The following GRIK3 variants were observed in gnomAD, a reference collection of about 807,000 sequenced individuals.
The protein encoded by GRIK3 is glutamate receptor ionotropic, kainate 3.
In GRIK3, 29 loss-of-function variants were observed where a neutral mutation model predicts 102.5. That is an observed-to-expected ratio of 0.28 (90% CI 0.21 to 0.39). GRIK3 has a LOEUF of 0.39. GRIK3 is among the 10% of genes least tolerant of loss of function. GRIK3 has a pLI of 1.00. For missense variants in GRIK3, 908 were observed against 1,252.4 expected, an observed-to-expected ratio of 0.73 and a Z score of 4.15; for synonymous variants, 511 against 504.9, an observed-to-expected ratio of 1.01 and a Z score of -0.16.
At chr1:36,910,655 C>T (rs960555318) in intron 1 of GRIK3, among the ~76,000 whole-genome samples, 37 of 152,204 alleles carry the variant, frequency 2.4e-4, no homozygotes, top group Non-Finnish European at 1.2e-4. Context: ...CCCAGTGAAA[C>T]GGTCCAGGGA....
Position 37,017,361 on chromosome 1 carries a change from C to T in GRIK3, c.115+16633G>A, listed in dbSNP as rs368905251. 2.0e-3 allele frequency among the ~76,000 whole-genome samples: 223 copies of T among 110,452 alleles called. 2 individuals carry two copies. The highest frequency in any genetic ancestry group is 8.3e-3 in the African/African-American group (212 of 25,632). 72.5% of individuals were successfully genotyped at this position (110,452 alleles called of 152,430 possible). A position where few individuals can be genotyped will look rare whatever the true frequency, so the allele number is the denominator to read the frequency against. ...CCAGCCTGGGCAACATAGTGAGACC[C>T]TGTCTCTTAAAAAAAAAAAAAAAAA... On this transcript the variant is annotated intron_variant, in intron 1 of 15. Transcript: ENST00000373091.
intron 1 of GRIK3, among the ~76,000 whole-genome samples, chr1:37,028,905 T>G (rs1238634460): frequency 6.6e-6 from 1 of 152,264 alleles, no homozygotes; most frequent in African/African-American, 2.4e-5. Flanking sequence ...TATTGAGCAC[T>G]TACTATTTAC....
chr1:36,970,857 C>T (rs972818728), intron 1 of GRIK3, among the ~76,000 whole-genome samples: 5 of 152,176 alleles, frequency 3.3e-5, no homozygotes, highest in Non-Finnish European at 7.3e-5. Context: ...TTTGTTCCCC[C>T]AATAGCCTTT....
intron 9 of GRIK3, chr1:36,849,794 T>C (rs497848): frequency 0.014 from 2,196 of 154,696 alleles, 54 homozygotes; most frequent in African/African-American, 0.049. Flanking sequence ...TGCTATTCAG[T>C]TGGGGAATAG....
intron 13 of GRIK3, among the ~76,000 whole-genome samples, chr1:36,809,985 T>C (rs1557688528): frequency 1.3e-5 from 2 of 152,162 alleles, no homozygotes; most frequent in Non-Finnish European, 2.9e-5. Context: ...AAATCTGCTT[T>C]CCTAGAATGG....
intron 1 of GRIK3, among the ~76,000 whole-genome samples, chr1:36,959,138 G>GTACATGATT: frequency 7.5e-6 from 1 of 132,532 alleles, no homozygotes; most frequent in Non-Finnish European, 1.7e-5. Flanking sequence ...GAACCTGTGT[G>GTACATGATT]TCCTGTGAGC....
At chr1:36,962,880 T>C (rs1429221202) in intron 1 of GRIK3, among the ~76,000 whole-genome samples, 3 of 84,980 alleles carry the variant, frequency 3.5e-5, no homozygotes, top group Non-Finnish European at 6.2e-5. Flanking sequence ...CGAGACTCCC[T>C]CTCAAAAAAA....
At chr1:36,861,730 T>C (rs78768509) in intron 5 of GRIK3, among the ~76,000 whole-genome samples, 3,514 of 152,198 alleles carry the variant, frequency 0.023, 63 homozygotes, top group Non-Finnish European at 0.037. Context: ...CTTCAATGAT[T>C]TGGGGAGTAG....
At chr1:37,029,489 G>A (rs1642798200) in intron 1 of GRIK3, among the ~76,000 whole-genome samples, 1 of 152,226 alleles carries the variant, frequency 6.6e-6, no homozygotes, top group Admixed American at 6.5e-5. Context: ...CAGCTGCTGT[G>A]GCAAGTAGAG....
At chr1:36,953,226 G>A (rs1641865944) in intron 1 of GRIK3, among the ~76,000 whole-genome samples, 2 of 152,220 alleles carry the variant, frequency 1.3e-5, no homozygotes, top group Admixed American at 1.3e-4. Flanking sequence ...TTAGTCAGGA[G>A]GAGCTGCCCT....
intron 1 of GRIK3, among the ~76,000 whole-genome samples, chr1:36,934,882 C>A (rs1641638880): frequency 6.6e-6 from 1 of 152,200 alleles, no homozygotes; most frequent in East Asian, 1.9e-4. Context: ...CTTTAGCCTC[C>A]CTCCTGGCTC....
intron 11 of GRIK3, among the ~76,000 whole-genome samples, 188 bp from the exon 12 acceptor site, chr1:36,820,042 G>A (rs534536091): frequency 2.6e-5 from 4 of 152,324 alleles, no homozygotes; most frequent in South Asian, 4.1e-4. Context: ...GGTTATAAAG[G>A]TAATTCACCA....
chr1:36,945,846 C>T (rs1212897819), intron 1 of GRIK3, among the ~76,000 whole-genome samples: 3 of 152,214 alleles, frequency 2.0e-5, no homozygotes, highest in Admixed American at 1.3e-4. Context: ...GCTCTTCCTA[C>T]CACCTATGCT....
intron 1 of GRIK3, among the ~76,000 whole-genome samples, chr1:37,025,900 T>C (rs1185006734): frequency 6.6e-6 from 1 of 152,018 alleles, no homozygotes; most frequent in East Asian, 1.9e-4. Context: ...AAACCACCAC[T>C]CCCCCAGGAT....
At chr1:36,863,200 G>A (rs544372441) in intron 5 of GRIK3, among the ~76,000 whole-genome samples, 1 of 152,022 alleles carries the variant, frequency 6.6e-6, no homozygotes, top group African/African-American at 2.4e-5. Context: ...TCAACACCAG[G>A]CTACCCAGCT....
chr1:37,018,828 A>G (rs943256938), intron 1 of GRIK3, among the ~76,000 whole-genome samples: 4 of 147,090 alleles, frequency 2.7e-5, no homozygotes, highest in African/African-American at 9.8e-5. Flanking sequence ...TGTCTCCATG[A>G]AAAAAAAACT....
At chr1:36,885,543 G>A (rs1352928786) in intron 2 of GRIK3, among the ~76,000 whole-genome samples, 1 of 152,202 alleles carries the variant, frequency 6.6e-6, no homozygotes. Flanking sequence ...TTCTGCAAGA[G>A]ATGCAGTGAT....
intron 1 of GRIK3, among the ~76,000 whole-genome samples, chr1:36,995,994 G>A (rs1396056778): frequency 1.3e-5 from 2 of 152,196 alleles, no homozygotes; most frequent in Non-Finnish European, 2.9e-5. Context: ...TTGATCAGAG[G>A]CTCTGTGCTG....
intron 1 of GRIK3, among the ~76,000 whole-genome samples, chr1:36,901,291 G>T (rs143915612): frequency 9.1e-4 from 138 of 152,196 alleles, no homozygotes; most frequent in Admixed American, 8.6e-3. Context: ...TCAACAAAAA[G>T]TTAGCAAATT....
Sources: allele counts gnomAD v4.1 joint callset (sites outside exome capture counted in the v4.1 genomes callset), GRCh38; gene constraint gnomAD v4.1.1; transcripts MANE v1.5; gene names NCBI Gene and HGNC (gene_info 2026-07-23, HGNC 2026-07-21).